Variants in USP49 observed in about 807,000 individuals in gnomAD.
USP49 encodes ubiquitin specific peptidase 49, also known as ubiquitin carboxyl-terminal hydrolase 49.
USP49 carries 24 observed loss-of-function variants against 58.6 expected under a neutral mutation model. That is an observed-to-expected ratio of 0.41 (90% CI 0.30 to 0.58). USP49 has a LOEUF of 0.58. Ranked by LOEUF, USP49 falls within the 20% of genes least tolerant of loss-of-function variation. The probability of loss-of-function intolerance (pLI) is 0.30; values close to 1 mark genes in which losing one functional copy is unlikely to be tolerated. For missense variants in USP49, 703 were observed against 866.1 expected, an observed-to-expected ratio of 0.81 and a Z score of 2.36; for synonymous variants, 408 against 365.1, an observed-to-expected ratio of 1.12 and a Z score of -1.34.
chr6:41,882,294 C>T (rs78876448), intron 2 of USP49, among the ~76,000 whole-genome samples: 3 of 151,904 alleles, frequency 2.0e-5, no homozygotes, highest in Non-Finnish European at 4.4e-5. Context: ...TAAGAAACTT[C>T]GAGATAAATA....
intron 2 of USP49, among the ~76,000 whole-genome samples, chr6:41,878,700 A>G (rs185220893): frequency 1.3e-5 from 2 of 152,320 alleles, no homozygotes; most frequent in African/African-American, 4.8e-5. Flanking sequence ...CTATATAGCA[A>G]TTTTGTCAGC....
Position 41,834,520 on chromosome 6 carries a change from G to A in USP49, c.-28-27509C>T, listed in dbSNP as rs7356864. The stretch of plus-strand genomic sequence containing the variant: ...ATTGTAATCCCCAGTGTTGGAGGTG[G>A]GGCCTGGTGGGAGGTGACTGGATCA... On this transcript the variant is annotated intron_variant, in intron 3 of 7. Transcript: ENST00000682992. Among the ~76,000 whole-genome samples the A allele has an allele frequency of 6.1e-3, 935 of 152,238 alleles. 7 individuals carry two copies. The highest frequency in any genetic ancestry group is 0.02 in the African/African-American group (815 of 41,526).
At chr6:41,855,213 T>C (rs1774105356) in intron 3 of USP49, among the ~76,000 whole-genome samples, 1 of 151,942 alleles carries the variant, frequency 6.6e-6, no homozygotes, top group South Asian at 2.1e-4. Flanking sequence ...TACTGTTTCT[T>C]CATTAAAAGT....
intron 2 of USP49, among the ~76,000 whole-genome samples, chr6:41,880,621 C>T (rs1229756949): frequency 6.6e-5 from 10 of 152,126 alleles, no homozygotes; most frequent in Admixed American, 6.6e-4. Flanking sequence ...AGAAAATATT[C>T]TCTTATCTAG....
At chr6:41,864,886 T>C (rs1214053168) in intron 3 of USP49, among the ~76,000 whole-genome samples, 2 of 152,108 alleles carry the variant, frequency 1.3e-5, no homozygotes, top group African/African-American at 4.8e-5. Context: ...AAGTCATATC[T>C]TTTTGTATAA....
intron 4 of USP49, among the ~76,000 whole-genome samples, chr6:41,804,998 T>G (rs995528292): frequency 6.6e-6 from 1 of 152,264 alleles, no homozygotes. Flanking sequence ...TCCACCCACC[T>G]TGGCCTCCTG....
intron 2 of USP49, among the ~76,000 whole-genome samples, chr6:41,890,159 C>T: frequency 6.6e-6 from 1 of 151,854 alleles, no homozygotes; most frequent in Non-Finnish European, 1.5e-5. Context: ...TTGGAGATCA[C>T]TTGAGGTCAG....
rs980812462 is a variant in USP49, at chr6:41,841,773, T to C, written c.-29+29791A>G. ...ACAGTTCCGTTTAAAAATGCATCAT[T>C]TGGCCGGGCGCAGTGGCTCACTCCT... On this transcript the variant is annotated intron_variant, in intron 3 of 7. Coordinates refer to ENST00000682992, the MANE Select transcript of USP49 (RefSeq NM_001286554.2). 2.0e-5 allele frequency among the ~76,000 whole-genome samples: 3 copies of C among 152,248 alleles called. No homozygotes were observed. The East Asian group carries it at 5.8e-4, about 29-fold the overall frequency.
At chr6:41,884,325 T>C (rs553044435) in intron 2 of USP49, among the ~76,000 whole-genome samples, 1 of 152,282 alleles carries the variant, frequency 6.6e-6, no homozygotes, top group East Asian at 1.9e-4. Context: ...GCCAGGCCCA[T>C]AACATAGATC....
chr6:41,832,896 G>A (rs1342400763), intron 3 of USP49: 1 of 151,974 alleles, frequency 6.6e-6, no homozygotes, highest in Admixed American at 6.6e-5. Flanking sequence ...ATTCCTGCTG[G>A]GTGTCCAAAG....
At chr6:41,816,402 C>A (rs1773350798) in intron 3 of USP49, among the ~76,000 whole-genome samples, 1 of 152,260 alleles carries the variant, frequency 6.6e-6, no homozygotes, top group East Asian at 1.9e-4. Context: ...TAACACTGCA[C>A]AAACATTCTC....
Position 41,806,474 on chromosome 6 carries a change from C to A in USP49, c.510G>T (p.Glu170Asp), listed in dbSNP as rs770526408. The A allele has an allele frequency of 6.3e-7, 1 of 1,596,874 alleles. No individual in the cohort carries two copies. Among genetic ancestry groups the A allele is most frequent in the Non-Finnish European group, 8.5e-7 (1 of 1,178,778 alleles). ...EKSSRGQAKLEQRRQEEALER... is the reference protein window; with the variant it reads ...EKSSRGQAKLDQRRQEEALER... ...CCAGGGCCTCCTCCTGCCGCCGCTG[C>A]TCCAGCTTCGCCTGGCCCCGGGAGC... The change falls in exon 4 of 8, where the codon GAG becomes GAT. Residue 170 changes from glutamate (E) to aspartate (D), a missense_variant. Physicochemically the swap from Glu to Asp is conservative, Grantham distance 45. Around this residue, in one of 6 missense-constraint regions of USP49, gnomAD observed 376 missense variants for 373.5 expected, o/e 1.01. Coordinates refer to ENST00000682992, the MANE Select transcript of USP49 (RefSeq NM_001286554.2). This position sits in a 1 kb window ranked among gnomAD's most constrained non-coding sequence, Gnocchi z 5.9.
intron 3 of USP49, among the ~76,000 whole-genome samples, chr6:41,808,407 C>CTT (rs5875774): frequency 2.7e-4 from 32 of 117,542 alleles, no homozygotes; most frequent in South Asian, 8.4e-4. Context: ...AGCTATACAA[C>CTT]TTTTTTTTTT....
intron 3 of USP49, among the ~76,000 whole-genome samples, chr6:41,827,653 C>T (rs1440036360): frequency 1.0e-5 from 1 of 98,442 alleles, no homozygotes; most frequent in African/African-American, 4.1e-5. Flanking sequence ...GAGCAAGGGG[C>T]AATACAGCAA....
intron 3 of USP49, among the ~76,000 whole-genome samples, chr6:41,849,839 C>G (rs117348925): frequency 0.014 from 2,066 of 152,138 alleles, 27 homozygotes; most frequent in East Asian, 0.062. Flanking sequence ...ATCTCCTGAC[C>G]TCATGATCCA....
At chr6:41,828,897 T>C (rs1451678680) in intron 3 of USP49, among the ~76,000 whole-genome samples, 1 of 152,170 alleles carries the variant, frequency 6.6e-6, no homozygotes, top group African/African-American at 2.4e-5. Flanking sequence ...AAATTTTGAT[T>C]GGCATTTATT....
chr6:41,846,746 T>C (rs1385711271), intron 3 of USP49, among the ~76,000 whole-genome samples: 1 of 150,422 alleles, frequency 6.6e-6, no homozygotes, highest in South Asian at 2.1e-4. Context: ...CTATGTAGCA[T>C]AGCACAGAGC....
intron 5 of USP49, among the ~76,000 whole-genome samples, chr6:41,801,950 C>CAT (rs2127319169): frequency 6.6e-6 from 1 of 151,962 alleles, no homozygotes; most frequent in Admixed American, 6.5e-5. Flanking sequence ...CCTAATCTAT[C>CAT]ATATCCAAAA....
In USP49 at chr6:41,793,274, T is replaced by TG. The variant is rs1393042850; in HGVS notation, c.*3258_*3259insC. 6.4e-6 allele frequency: 1 copy of TG among 155,412 alleles called. No homozygotes were observed. Among genetic ancestry groups the TG allele is most frequent in the Non-Finnish European group, 1.4e-5 (1 of 70,430 alleles). 9.6% of individuals were successfully genotyped at this position (155,412 alleles called of 1,614,324 possible). ...TTTTTTTTGTTTTTGTTTTTGTTTT[T>TG]TTTTTAAGACAGAGTCTCGCTCTGT... On this transcript the variant is annotated 3_prime_UTR_variant, in exon 8 of 8. Transcript: ENST00000682992.
Sources: allele counts gnomAD v4.1 joint callset (sites outside exome capture counted in the v4.1 genomes callset), GRCh38; gene constraint gnomAD v4.1.1; regional missense constraint gnomAD v4.1.1; non-coding constraint Gnocchi (gnomAD v3.1); transcripts MANE v1.5; gene names NCBI Gene and HGNC (gene_info 2026-07-23, HGNC 2026-07-21).